TLCD2: variants seen among roughly 807,000 people sequenced by gnomAD.
TLCD2 encodes the protein TLC domain-containing protein 2.
A neutral mutation model predicts 14.0 loss-of-function variants in TLCD2; 12 were observed. That is an observed-to-expected ratio of 0.86 (90% CI 0.55 to 1.39). TLCD2 has a LOEUF of 1.39. Among genes scored for constraint, TLCD2 ranks in the 40% most tolerant of loss-of-function variants. The pLI is 0.00. For synonymous variants in TLCD2, 166 were observed against 156.5 expected (o/e 1.06, Z -0.45); for missense variants, 360 against 346.8 (o/e 1.04, Z -0.30).
At position 1,704,760 on chromosome 17, in the gene TLCD2, T is replaced by G. The variant is rs1913979025; in HGVS notation, c.*3010A>C. Reference sequence around the variant, plus strand: ...CTCTGTCACCCCTGCTGGACTGCAGTGGCACTATCTCGGCTCATTATAACA... The same window carrying G: ...CTCTGTCACCCCTGCTGGACTGCAGGGGCACTATCTCGGCTCATTATAACA... On this transcript the variant is annotated 3_prime_UTR_variant, in exon 4 of 4. Transcript: ENST00000330676. The G allele has an allele frequency of 1.3e-5, 2 of 151,510 alleles. No individual in the cohort carries two copies. The highest frequency in any genetic ancestry group is 2.9e-5 in the Non-Finnish European group (2 of 67,940). 9.4% of individuals were successfully genotyped at this position (151,510 alleles called of 1,614,324 possible).
chr17:1,708,001 C>G lies in TLCD2; in HGVS notation c.564G>C (p.Leu188=). The part of the protein sequence containing the change: ...LVPLGWMSLW[L]FRQHHQVPLA... ...GAGGAACCTGGTGGTGCTGCCGGAA[C>G]AGCCACAGACTCATCCACCCCAGCG... The change falls in exon 4 of 4, where the codon CTG becomes CTC. Residue 188 remains leucine (L), a synonymous_variant. Transcript: ENST00000330676. 6.5e-7 allele frequency: 1 copy of G among 1,537,306 alleles called. No homozygotes were observed. The highest frequency in any genetic ancestry group is 8.7e-7 in the Non-Finnish European group (1 of 1,146,930).
At chr17:1,709,711 C>A in intron 2 of TLCD2, 93 bp downstream of exon 2, 1 of 962,626 alleles carries the variant, frequency 1.0e-6, no homozygotes, top group South Asian at 1.3e-5. Flanking sequence ...GAACGTTTAA[C>A]CCCCATGGGG....
rs1455696157 is a variant in TLCD2 at position 1,704,862 on chromosome 17, C to G, written c.*2908G>C. 1 of 129,178 alleles carries G rather than the reference C, an allele frequency of 7.7e-6. No individual in the cohort carries two copies. The highest frequency in any genetic ancestry group is 9.7e-5 in the Admixed American group (1 of 10,294). The allele number at this position is 129,178 out of a possible 1,614,324, so 8.0% of individuals were successfully genotyped here. A position where few individuals can be genotyped will look rare whatever the true frequency, so the allele number is the denominator to read the frequency against. ...CCGGGATTACGGGCGCCTGCCACCA[C>G]GCCCGGCCAATTTTTTGTATTTTTA... is the stretch of plus-strand genomic sequence containing the variant. On this transcript the variant is annotated 3_prime_UTR_variant, in exon 4 of 4. Coordinates refer to ENST00000330676, the MANE Select transcript of TLCD2 (RefSeq NM_001164407.2).
Position 1,707,625 on chromosome 17 carries a change from G to C in TLCD2, c.*145C>G, listed in dbSNP as rs898061717. The C allele has an allele frequency of 1.2e-4, 76 of 643,246 alleles. 1 individual carries two copies. The highest frequency in any genetic ancestry group is 7.5e-5 in the Non-Finnish European group (30 of 398,532). The allele number at this position is 643,246 out of a possible 1,614,324, so 39.8% of individuals were successfully genotyped here. On this transcript the variant is annotated 3_prime_UTR_variant, in exon 4 of 4. Coordinates refer to ENST00000330676, the MANE Select transcript of TLCD2 (RefSeq NM_001164407.2). ...GCATTTCTTCTTAGATCCGAGGAAG[G>C]GGAAGGGATGTGAGTTAGCTGGAAG...
chr17:1,708,105 A>G lies in TLCD2; in HGVS notation c.460T>C (p.Ser154Pro), dbSNP rs1436281514. 17 of 1,537,082 alleles carry G rather than the reference A, an allele frequency of 1.1e-5. No homozygotes were observed. In the East Asian group the frequency reaches 3.7e-4, roughly 33 times the overall value. ...AAGGCCAGGGATGGGGCCTGGCGAG[A>G]AAGCAACAGCAGCTTCCGCAGGTGC... ...CLHLRKLLLL[S>P]RQAPSLAFSV... Residue 154 changes from serine (S) to proline (P), a missense_variant, in exon 4 of 4, where the codon TCT becomes CCT. Coordinates refer to ENST00000330676, the MANE Select transcript of TLCD2 (RefSeq NM_001164407.2).
In TLCD2 at chr17:1,710,225, G is replaced by T. The variant is rs1484374804; in HGVS notation, c.18C>A (p.Leu6=). 6.6e-7 allele frequency: 1 copy of T among 1,524,874 alleles called. No homozygotes were observed. Among genetic ancestry groups the T allele is most frequent in the South Asian group, 1.2e-5 (1 of 83,180 alleles). The allele number at this position is 1,524,874 out of a possible 1,614,324, so 94.5% of individuals were successfully genotyped here. ...CGAGGAAGGAGGCGCCGGCCACCAGGAGCCCCGTGGGCGCCATGGCCTGGC... is the reference window on the plus strand; with the variant it reads ...CGAGGAAGGAGGCGCCGGCCACCAGTAGCCCCGTGGGCGCCATGGCCTGGC... MAPTG[L]LVAGASFLAF... Residue 6 remains leucine, a synonymous_variant, in exon 1 of 4, where the codon CTC becomes CTA. Coordinates refer to ENST00000330676, the MANE Select transcript of TLCD2 (RefSeq NM_001164407.2). This position sits in a 1 kb window ranked among gnomAD's most constrained non-coding sequence, Gnocchi z 6.1.
rs1172134815 is a variant in TLCD2, at chr17:1,705,870, G to A, written c.*1900C>T. On this transcript the variant is annotated 3_prime_UTR_variant, in exon 4 of 4. Coordinates refer to ENST00000330676, the MANE Select transcript of TLCD2 (RefSeq NM_001164407.2). ...GCTGGGCACTTCCCGTCACCTCGAT[G>A]TTCTGGGAAGGAAGGGGTCTTGTTC... 1 of 152,134 alleles carries A rather than the reference G, an allele frequency of 6.6e-6. No individual in the cohort carries two copies. The highest frequency in any genetic ancestry group is 2.1e-4 in the South Asian group (1 of 4,826). The allele number at this position is 152,134 out of a possible 1,614,324, so 9.4% of individuals were successfully genotyped here. A position where few individuals can be genotyped will look rare whatever the true frequency, so the allele number is the denominator to read the frequency against.
chr17:1,709,913 G>GC (rs563501867), intron 1 of TLCD2, 27 bp from the exon 2 acceptor site: 16 of 1,521,686 alleles, frequency 1.1e-5, no homozygotes, highest in Admixed American at 9.8e-5. Context: ...GGGACATGGG[G>GC]GGGGGCATGG....
Position 1,710,181 on chromosome 17 carries a change from C to T in TLCD2, c.62G>A (p.Trp21Ter), listed in dbSNP as rs1227392375. ...ASFLAFRGLH[W>*]GLRRLPTPES... ...CGGCGTGGGCAGCCGCCGCAACCCCCAGTGCAGCCCCCGGAACGCGAGGAA... is the reference window on the plus strand; with the variant it reads ...CGGCGTGGGCAGCCGCCGCAACCCCTAGTGCAGCCCCCGGAACGCGAGGAA... Residue 21 changes from tryptophan to a stop codon, truncating the protein, a stop_gained, in exon 1 of 4, where the codon TGG (tryptophan) becomes TAG (stop). Coordinates refer to ENST00000330676, the MANE Select transcript of TLCD2 (RefSeq NM_001164407.2). LOFTEE classifies it high-confidence loss of function. This position sits in a 1 kb window ranked among gnomAD's most constrained non-coding sequence, Gnocchi z 6.1. 3 of 1,531,000 alleles carry T rather than the reference C, an allele frequency of 2.0e-6. No homozygotes were observed. The allele number at this position is 1,531,000 out of a possible 1,614,324, so 94.8% of individuals were successfully genotyped here.
At position 1,707,736 on chromosome 17, in the gene TLCD2, C is replaced by A. The variant is rs187953175; in HGVS notation, c.*34G>T. On this transcript the variant is annotated 3_prime_UTR_variant, in exon 4 of 4. Transcript: ENST00000330676. ...AGACCCTCATCTCCTTGTCCTGGCCCCACCTCCCCCAGCGAGGGGCCCATG... is the reference window on the plus strand; with the variant it reads ...AGACCCTCATCTCCTTGTCCTGGCCACACCTCCCCCAGCGAGGGGCCCATG... 1.7e-4 allele frequency: 253 copies of A among 1,455,574 alleles called. 1 individual carries two copies. The African/African-American group carries it at 3.0e-3, about 17-fold the overall frequency. The allele number at this position is 1,455,574 out of a possible 1,614,324, so 90.2% of individuals were successfully genotyped here. A position where few individuals can be genotyped will look rare whatever the true frequency, so the allele number is the denominator to read the frequency against.
Position 1,707,941 on chromosome 17 carries a change from G to A in TLCD2, c.624C>T (p.Val208=). The A allele has an allele frequency of 2.0e-6, 3 of 1,537,294 alleles. No homozygotes were observed. The highest frequency in any genetic ancestry group is 2.6e-6 in the Non-Finnish European group (3 of 1,146,932). Residue 208 remains valine, a synonymous_variant, in exon 4 of 4, where the codon GTC becomes GTT. Transcript: ENST00000330676. ...ATATGATGCTCATGATGCCCACAGTGACCAGCCCAATTCCACCCAGGGTGA... is the reference window on the plus strand; with the variant it reads ...ATATGATGCTCATGATGCCCACAGTAACCAGCCCAATTCCACCCAGGGTGA... ...ALVTLGGIGL[V]TVGIMSIILG...
At position 1,710,360 on chromosome 17, in the gene TLCD2, C is replaced by G. The variant is rs1427136004; in HGVS notation, c.-118G>C. 2 of 875,076 alleles carry G rather than the reference C, an allele frequency of 2.3e-6. No individual in the cohort carries two copies. Among genetic ancestry groups the G allele is most frequent in the East Asian group, 3.2e-5 (1 of 31,556 alleles). 54.2% of individuals were successfully genotyped at this position (875,076 alleles called of 1,614,324 possible). ...CTGGGGCCCCGGCTCCCCTCCCCGC[C>G]GCGCCTTTGGGATCAGCAGGAACTT... is the stretch of plus-strand genomic sequence containing the variant. On this transcript the variant is annotated 5_prime_UTR_variant, in exon 1 of 4. Coordinates refer to ENST00000330676, the MANE Select transcript of TLCD2 (RefSeq NM_001164407.2). This position sits in a 1 kb window ranked among gnomAD's most constrained non-coding sequence, Gnocchi z 6.1.
chr17:1,708,196 A>T lies in TLCD2; in HGVS notation c.369T>A (p.Val123=). 2 of 1,533,488 alleles carry T rather than the reference A, an allele frequency of 1.3e-6. No homozygotes were observed. The highest frequency in any genetic ancestry group is 1.7e-6 in the Non-Finnish European group (2 of 1,145,046). The allele number at this position is 1,533,488 out of a possible 1,614,324, so 95.0% of individuals were successfully genotyped here. ...LVVVSCLSTA[V]LSGHYVGFSM... ...AGAAGCCCACGTAGTGGCCAGACAGAACAGCGGTGCTGAGGCAGCTCACCA... is the reference window on the plus strand; with the variant it reads ...AGAAGCCCACGTAGTGGCCAGACAGTACAGCGGTGCTGAGGCAGCTCACCA... The change falls in exon 4 of 4, where the codon GTT becomes GTA. Residue 123 remains valine, a synonymous_variant. Coordinates refer to ENST00000330676, the MANE Select transcript of TLCD2 (RefSeq NM_001164407.2).
chr17:1,708,634 G>A (rs976094937), intron 3 of TLCD2, among the ~76,000 whole-genome samples: 15 of 151,862 alleles, frequency 9.9e-5, no homozygotes, highest in Admixed American at 1.3e-4. Context: ...CTACCGGTGC[G>A]CGCCACCACA....
Position 1,707,414 on chromosome 17 carries a change from C to G in TLCD2, c.*356G>C. 1.2e-5 allele frequency: 3 copies of G among 251,488 alleles called. No individual in the cohort carries two copies. Among genetic ancestry groups the G allele is most frequent in the Non-Finnish European group, 2.3e-5 (3 of 131,262 alleles). The allele number at this position is 251,488 out of a possible 1,614,324, so 15.6% of individuals were successfully genotyped here. On this transcript the variant is annotated 3_prime_UTR_variant, in exon 4 of 4. Transcript: ENST00000330676. ...GATCCTAGTGGGACTTCACCTTCCCCCATCTGTCCCTGGGTTAAAGCAAAG... is the reference window on the plus strand; with the variant it reads ...GATCCTAGTGGGACTTCACCTTCCCGCATCTGTCCCTGGGTTAAAGCAAAG...
intron 3 of TLCD2, among the ~76,000 whole-genome samples, chr17:1,708,479 CTTTTTT>C (rs70956738): frequency 0.06 from 2,846 of 47,452 alleles, 139 homozygotes; most frequent in African/African-American, 0.18. Context: ...GGCTTGCTTG[CTTTTTT>C]TTTTTTTTTT....
Position 1,710,009 on chromosome 17 carries a change from G to A in TLCD2, c.176+58C>T. On this transcript the variant is annotated intron_variant, in intron 1 of 3. Coordinates refer to ENST00000330676, the MANE Select transcript of TLCD2 (RefSeq NM_001164407.2). The surrounding 1 kb of genome is among the most constrained non-coding windows in gnomAD (Gnocchi z 6.1). Reference sequence around the variant, plus strand: ...CTGGAGACGCCCGGCGGGTCTCCCGGCCTCAGCCTCCCACCCCTCGCCCTC... The same window carrying A: ...CTGGAGACGCCCGGCGGGTCTCCCGACCTCAGCCTCCCACCCCTCGCCCTC... 2.6e-6 allele frequency: 4 copies of A among 1,519,648 alleles called. No homozygotes were observed. Among genetic ancestry groups the A allele is most frequent in the Non-Finnish European group, 3.5e-6 (4 of 1,138,906 alleles). The allele number at this position is 1,519,648 out of a possible 1,614,324, so 94.1% of individuals were successfully genotyped here.
chr17:1,708,736 G>T (rs570509331), intron 3 of TLCD2, among the ~76,000 whole-genome samples: 2 of 152,250 alleles, frequency 1.3e-5, no homozygotes, highest in African/African-American at 4.8e-5. Context: ...ACCCGCCTCG[G>T]CCTCCCAGTG....
At chr17:1,709,407 A>G in intron 3 of TLCD2, 92 bp downstream of exon 3, 1 of 821,276 alleles carries the variant, frequency 1.2e-6, no homozygotes, top group Non-Finnish European at 1.8e-6. Flanking sequence ...AAAAAAAAAA[A>G]AAAAAAAAAG....
Sources: gnomAD v4.1 joint callset for allele counts (sites outside exome capture counted in the v4.1 genomes callset) on GRCh38, gnomAD v4.1.1 for gene constraint, Gnocchi (gnomAD v3.1) non-coding constraint, MANE v1.5 for transcripts, NCBI Gene and HGNC (gene_info 2026-07-23, HGNC 2026-07-21) for gene names.